FBXO17: variants seen among roughly 807,000 people sequenced by gnomAD.
FBXO17 encodes F-box only protein 17.
In FBXO17, 43 loss-of-function variants were observed where a neutral mutation model predicts 34.1. That is an observed-to-expected ratio of 1.26 (90% confidence interval 0.99 to 1.62). FBXO17 has a LOEUF of 1.62. FBXO17 is among the 40% of genes most tolerant of loss of function. FBXO17 has a pLI of 0.00. For synonymous variants in FBXO17, 169 were observed against 166.0 expected (o/e 1.02, Z -0.14); for missense variants, 424 against 386.7 (o/e 1.10, Z -0.81).
chr19:38,966,313 G>GTGTGTGTGTGTGTGTA (rs1232898517), intron 1 of FBXO17, among the ~76,000 whole-genome samples: 1 of 151,474 alleles, frequency 6.6e-6, no homozygotes, highest in South Asian at 2.1e-4. Context: ...GTGTGTGTGT[G>GTGTGTGTGTGTGTGTA]TGTGTGTGGA....
chr19:38,970,506 C>G (rs1975378318), intron 1 of FBXO17, among the ~76,000 whole-genome samples: 1 of 152,146 alleles, frequency 6.6e-6, no homozygotes, highest in African/African-American at 2.4e-5. Flanking sequence ...CCACGGCTGG[C>G]CCTTTCTCTC....
At chr19:38,952,206 C>G (rs1297256884) in intron 1 of FBXO17, among the ~76,000 whole-genome samples, 1 of 152,088 alleles carries the variant, frequency 6.6e-6, no homozygotes, top group Non-Finnish European at 1.5e-5. Flanking sequence ...CTCAGCTTCC[C>G]AAAATGCTGG....
chr19:38,941,696 C>T lies in FBXO17; in HGVS notation c.*912G>A, dbSNP rs1054842769. 2 of 152,180 alleles carry T rather than the reference C, an allele frequency of 1.3e-5. No homozygotes were observed. The highest frequency in any genetic ancestry group is 2.9e-5 in the Non-Finnish European group (2 of 68,050). The allele number at this position is 152,180 out of a possible 1,614,324, so 9.4% of individuals were successfully genotyped here. Reference sequence around the variant, plus strand: ...TCCGCCCTGGGTGGGCCAGGTGTTCCTCGCCCTCGTTCCAGTAAACCCACA... The same window carrying T: ...TCCGCCCTGGGTGGGCCAGGTGTTCTTCGCCCTCGTTCCAGTAAACCCACA... On this transcript the variant is annotated 3_prime_UTR_variant, in exon 6 of 6. Coordinates refer to ENST00000292852, the MANE Select transcript of FBXO17 (RefSeq NM_024907.7).
chr19:38,957,494 T>C (rs974154726), intron 1 of FBXO17, among the ~76,000 whole-genome samples: 4 of 152,140 alleles, frequency 2.6e-5, no homozygotes, highest in African/African-American at 4.8e-5. Flanking sequence ...TACAGGCACC[T>C]GCCACCACGC....
intron 1 of FBXO17, among the ~76,000 whole-genome samples, chr19:38,958,479 AT>A (rs1975200907): frequency 1.3e-5 from 2 of 151,456 alleles, no homozygotes; most frequent in African/African-American, 4.8e-5. Flanking sequence ...AGACAGGCTT[AT>A]TTTGGAGAAT....
Position 38,962,790 on chromosome 19 carries a change from C to T in FBXO17, c.-17-12454G>A, listed in dbSNP as rs142960917. On this transcript the variant is annotated intron_variant, in intron 1 of 5. Transcript: ENST00000292852. ...GGAGTGCAGTGGCAAGATCTCGGCTCACCGCAACCTCTGCCTCCTGGGTTC... is the reference window on the plus strand; with the variant it reads ...GGAGTGCAGTGGCAAGATCTCGGCTTACCGCAACCTCTGCCTCCTGGGTTC... Among the ~76,000 whole-genome samples, 229 of 151,752 alleles carry T rather than the reference C, an allele frequency of 1.5e-3. 1 individual carries two copies. The highest frequency in any genetic ancestry group is 5.2e-3 in the African/African-American group (217 of 41,394).
intron 1 of FBXO17, among the ~76,000 whole-genome samples, chr19:38,956,911 A>G (rs1289551794): frequency 1.3e-5 from 2 of 152,156 alleles, no homozygotes; most frequent in Admixed American, 6.6e-5. Context: ...TTTAAAAATG[A>G]TGTGTCATAA....
At chr19:38,958,906 T>C (rs560715838) in intron 1 of FBXO17, among the ~76,000 whole-genome samples, 1 of 151,986 alleles carries the variant, frequency 6.6e-6, no homozygotes, top group Non-Finnish European at 1.5e-5. Flanking sequence ...CTCTCTCTCT[T>C]TCTCTCTCTT....
chr19:38,952,927 T>A, intron 1 of FBXO17: 1 of 439,124 alleles, frequency 2.3e-6, no homozygotes, highest in South Asian at 1.6e-5. Flanking sequence ...CCATCCGTTG[T>A]CCCTTTCATA....
intron 5 of FBXO17, chr19:38,944,725 G>A (rs904476514): frequency 2.4e-5 from 13 of 537,112 alleles, no homozygotes; most frequent in African/African-American, 1.9e-5. Context: ...AGCACATAGA[G>A]TGGTGCCCAG....
chr19:38,943,940 G>A (rs1244687001), intron 5 of FBXO17, among the ~76,000 whole-genome samples: 3 of 152,050 alleles, frequency 2.0e-5, no homozygotes, highest in Non-Finnish European at 4.4e-5. Flanking sequence ...GTTGATTCAC[G>A]ATATTATGCA....
rs201426023 is a variant in FBXO17 at position 38,946,543 on chromosome 19, C to T, written c.486G>A (p.Val162=). Residue 162 remains valine, a synonymous_variant, in exon 4 of 6, where the codon GTG becomes GTA. Coordinates refer to ENST00000292852, the MANE Select transcript of FBXO17 (RefSeq NM_024907.7). ...SFEWCSKRQL[V]DLVMEGVWQE... The stretch of plus-strand genomic sequence containing the variant: ...GCCACACCCCTTCCATCACCAGGTC[C>T]ACAAGCTGCCTCTTGGAGCACCATC... The T allele has an allele frequency of 3.4e-4, 549 of 1,614,054 alleles. 9 individuals are homozygous for T. In the East Asian group the frequency reaches 0.012, roughly 36 times the overall value.
intron 1 of FBXO17, among the ~76,000 whole-genome samples, chr19:38,951,770 C>T (rs1975087614): frequency 6.6e-6 from 1 of 151,802 alleles, no homozygotes; most frequent in Non-Finnish European, 1.5e-5. Context: ...CTGCCTCAGC[C>T]TCCCGAGTAG....
At chr19:38,958,017 G>T (rs1411561578) in intron 1 of FBXO17, among the ~76,000 whole-genome samples, 1 of 149,660 alleles carries the variant, frequency 6.7e-6, no homozygotes, top group Admixed American at 6.7e-5. Flanking sequence ...AGGGGAGAAG[G>T]ATCACCTGAG....
chr19:38,957,433 G>A (rs7359956), intron 1 of FBXO17, among the ~76,000 whole-genome samples: 3 of 151,798 alleles, frequency 2.0e-5, no homozygotes, highest in Admixed American at 6.6e-5. Context: ...TGCAACCTCC[G>A]CCTCCCGGGT....
chr19:38,947,661 G>A (rs1319491531), intron 3 of FBXO17, among the ~76,000 whole-genome samples: 2 of 152,092 alleles, frequency 1.3e-5, no homozygotes, highest in Non-Finnish European at 2.9e-5. Flanking sequence ...TTCATAAACT[G>A]TAGAGGTGGC....
chr19:38,948,679 C>T lies in FBXO17; in HGVS notation c.350-1G>A. On this transcript the variant is annotated splice_acceptor_variant, in intron 2 of 5. Coordinates refer to ENST00000292852, the MANE Select transcript of FBXO17 (RefSeq NM_024907.7). LOFTEE classifies it high-confidence loss of function. ...TCCACCTCCCAGCCTCTGAAGCCCTCTGTGGGAAAACAAGAGTTGAACATA... is the reference window on the plus strand; with the variant it reads ...TCCACCTCCCAGCCTCTGAAGCCCTTTGTGGGAAAACAAGAGTTGAACATA... 1.2e-6 allele frequency: 2 copies of T among 1,613,446 alleles called. No homozygotes were observed. The highest frequency in any genetic ancestry group is 1.7e-6 in the Non-Finnish European group (2 of 1,179,726).
intron 1 of FBXO17, among the ~76,000 whole-genome samples, chr19:38,961,251 T>A (rs1187552572): frequency 6.6e-6 from 1 of 151,386 alleles, no homozygotes; most frequent in African/African-American, 2.4e-5. Flanking sequence ...CTGTTTAAAA[T>A]GTAGCAATTT....
chr19:38,963,121 T>C (rs76374892), intron 1 of FBXO17, among the ~76,000 whole-genome samples: 2 of 152,154 alleles, frequency 1.3e-5, no homozygotes, highest in Admixed American at 6.6e-5. Context: ...TTTAAATTAC[T>C]GTGTGGTTTG....
Sources: gnomAD v4.1 joint callset for allele counts (sites outside exome capture counted in the v4.1 genomes callset) on GRCh38, gnomAD v4.1.1 for gene constraint, MANE v1.5 for transcripts, NCBI Gene and HGNC (gene_info 2026-07-23, HGNC 2026-07-21) for gene names.